The following AR variants were observed in gnomAD, a reference collection of about 807,000 sequenced individuals.
AR encodes the protein dihydrotestosterone receptor.
In AR, 8 loss-of-function variants were observed where a neutral mutation model predicts 53.9. The observed-to-expected ratio is 0.15, with a 90% CI of 0.09 to 0.27. AR has a LOEUF of 0.27. Among genes scored for constraint, AR ranks in the 10% least tolerant of loss-of-function variants. The pLI is 1.00. For missense variants in AR, 639 were observed against 742.5 expected (o/e 0.86, Z 1.62); for synonymous variants, 359 against 316.4 (o/e 1.13, Z -1.43).
At chrX:67,619,895 A>G (rs1924292826) in intron 1 of AR, among the ~76,000 whole-genome samples, 1 of 110,738 alleles carries the variant, frequency 9.0e-6, no homozygotes, top group Non-Finnish European at 1.9e-5. Flanking sequence ...GGAGTGAGAC[A>G]CTTCTCCCAA....
intron 1 of AR, among the ~76,000 whole-genome samples, chrX:67,604,172 C>T (rs1305716783): frequency 9.5e-6 from 1 of 105,432 alleles, no homozygotes; most frequent in East Asian, 3.0e-4. Flanking sequence ...TGCTCTTTAA[C>T]AGAAGGTCAG....
intron 2 of AR, among the ~76,000 whole-genome samples, chrX:67,681,681 G>T (rs1273299162): frequency 8.9e-6 from 1 of 112,490 alleles, no homozygotes; most frequent in Non-Finnish European, 1.9e-5. Flanking sequence ...GAGTTTCCTG[G>T]AAGGAAAGGA....
intron 3 of AR, chrX:67,695,773 G>GCTCT (rs1388939893): frequency 7.0e-6 from 3 of 426,646 alleles, no homozygotes; most frequent in African/African-American, 3.3e-5. Flanking sequence ...ACACACACAC[G>GCTCT]CTCTCTCTCT....
chrX:67,561,649 G>A (rs1921311598), intron 1 of AR, among the ~76,000 whole-genome samples: 1 of 111,319 alleles, frequency 9.0e-6, no homozygotes, highest in Admixed American at 9.6e-5. Context: ...CAAATACCAA[G>A]GGACTATTAT....
At chrX:67,596,433 C>T (rs1602180371) in intron 1 of AR, among the ~76,000 whole-genome samples, 1 of 111,066 alleles carries the variant, frequency 9.0e-6, no homozygotes, top group African/African-American at 3.3e-5. Flanking sequence ...TTAAATTAAA[C>T]TAATTATTTA....
chrX:67,545,358 AGC>A lies in AR; in HGVS notation c.213_214del (p.Gln72AlafsTer11). On this transcript the variant is annotated frameshift_variant, in exon 1 of 8. Coordinates refer to ENST00000374690, the MANE Select transcript of AR (RefSeq NM_000044.6). LOFTEE classifies it high-confidence loss of function. ...CAGCAGCAGCAGCAGCAGCAGCAGC[AGC>A]AGCAGCAGCAGCAGCAGCAGCAGCA... 8.4e-7 allele frequency: 1 copy of A among 1,183,683 alleles called. No individual in the cohort carries two copies. The highest frequency in any genetic ancestry group is 3.0e-5 in the East Asian group (1 of 32,851).
chrX:67,727,062 A>C lies in AR; in HGVS notation c.*3221A>C, dbSNP rs182880285. On this transcript the variant is annotated 3_prime_UTR_variant, in exon 8 of 8. Coordinates refer to ENST00000374690, the MANE Select transcript of AR (RefSeq NM_000044.6). Reference sequence around the variant, plus strand: ...CCAGGATCACGAACTCTGTAGTCAAAGAAAAGAGTCGTGTGGCAGTTTCAG... The same window carrying C: ...CCAGGATCACGAACTCTGTAGTCAACGAAAAGAGTCGTGTGGCAGTTTCAG... The C allele has an allele frequency of 1.4e-3, 244 of 172,932 alleles. No individual in the cohort carries two copies. Among genetic ancestry groups the C allele is most frequent in the South Asian group, 2.5e-3 (8 of 3,237 alleles). The allele number at this position is 172,932 out of a possible 1,213,427, so 14.3% of individuals were successfully genotyped here.
chrX:67,610,487 A>G (rs1398556829), intron 1 of AR, among the ~76,000 whole-genome samples: 1 of 110,450 alleles, frequency 9.1e-6, no homozygotes, highest in African/African-American at 3.3e-5. Context: ...TCCCAGTTTC[A>G]CTCCTCAGAG....
chrX:67,647,419 C>G (rs951006754), intron 2 of AR, among the ~76,000 whole-genome samples: 2 of 111,906 alleles, frequency 1.8e-5, no homozygotes, highest in African/African-American at 6.5e-5. Flanking sequence ...CCATTCTTTC[C>G]CACCTCAACT....
intron 1 of AR, among the ~76,000 whole-genome samples, chrX:67,551,464 C>A (rs1473484853): frequency 8.9e-6 from 1 of 111,820 alleles, no homozygotes; most frequent in Non-Finnish European, 1.9e-5. Flanking sequence ...GACTTTTAAA[C>A]AAAATTGCTT....
chrX:67,573,794 T>C (rs1175001294), intron 1 of AR, among the ~76,000 whole-genome samples: 1 of 112,122 alleles, frequency 8.9e-6, no homozygotes, highest in Non-Finnish European at 1.9e-5. Context: ...TAAATATCAA[T>C]TTTGAATTTG....
At chrX:67,652,358 A>T (rs978499465) in intron 2 of AR, among the ~76,000 whole-genome samples, 2 of 111,797 alleles carry the variant, frequency 1.8e-5, no homozygotes, top group Non-Finnish European at 3.8e-5. Context: ...AAGCTCATTT[A>T]CTTACAGGAT....
chrX:67,554,977 C>T (rs890470650), intron 1 of AR, among the ~76,000 whole-genome samples: 2 of 109,162 alleles, frequency 1.8e-5, no homozygotes, highest in Admixed American at 2.0e-4. Flanking sequence ...CTGCTATGTG[C>T]CCAGCATGTG....
At chrX:67,619,873 C>G (rs946487431) in intron 1 of AR, among the ~76,000 whole-genome samples, 1 of 110,643 alleles carries the variant, frequency 9.0e-6, no homozygotes, top group Non-Finnish European at 1.9e-5. Flanking sequence ...AAATCAGTCT[C>G]TTATGTGTTG....
chrX:67,545,035 G>T lies in AR; in HGVS notation c.-112G>T. 1 of 1,050,676 alleles carries T rather than the reference G, an allele frequency of 9.5e-7. No homozygotes were observed. The highest frequency in any genetic ancestry group is 1.3e-6 in the Non-Finnish European group (1 of 799,986). 86.6% of individuals were successfully genotyped at this position (1,050,676 alleles called of 1,213,427 possible). ...TCCTTCTCTGGAGCTTCCCGCAGGTGGGCAGCTAGCTGCAGCGACTACCGC... is the reference window on the plus strand; with the variant it reads ...TCCTTCTCTGGAGCTTCCCGCAGGTTGGCAGCTAGCTGCAGCGACTACCGC... On this transcript the variant is annotated 5_prime_UTR_variant, in exon 1 of 8. Coordinates refer to ENST00000374690, the MANE Select transcript of AR (RefSeq NM_000044.6).
chrX:67,632,719 G>T, intron 1 of AR, among the ~76,000 whole-genome samples: 1 of 112,344 alleles, frequency 8.9e-6, no homozygotes, highest in Admixed American at 9.4e-5. Flanking sequence ...TGCTGCAAAT[G>T]ATACCATCAA....
rs181107226 is a variant in AR, at chrX:67,660,374, T to G, written c.1768+16967T>G. Among the ~76,000 whole-genome samples the G allele has an allele frequency of 3.6e-5, 4 of 112,035 alleles. No homozygotes were observed. The East Asian group carries it at 1.1e-3, about 31-fold the overall frequency. ...CTAACATGTAAGTCTTTAATCCATC[T>G]TGAATTAATTTTAGTATAAGGTGTA... is the stretch of plus-strand genomic sequence containing the variant. On this transcript the variant is annotated intron_variant, in intron 2 of 7. Coordinates refer to ENST00000374690, the MANE Select transcript of AR (RefSeq NM_000044.6).
At chrX:67,594,038 A>G (rs919816458) in intron 1 of AR, among the ~76,000 whole-genome samples, 3 of 112,283 alleles carry the variant, frequency 2.7e-5, no homozygotes, top group Admixed American at 9.4e-5. Flanking sequence ...TCTGTCTCCC[A>G]GGCTGGAGTA....
At chrX:67,630,293 A>T (rs1204865831) in intron 1 of AR, among the ~76,000 whole-genome samples, 5 of 110,983 alleles carry the variant, frequency 4.5e-5, no homozygotes, top group African/African-American at 1.6e-4. Flanking sequence ...GTAGGTCACT[A>T]AGGACTTGCT....
Sources: gnomAD v4.1 joint callset for allele counts (sites outside exome capture counted in the v4.1 genomes callset) on GRCh38, gnomAD v4.1.1 for gene constraint, MANE v1.5 for transcripts, NCBI Gene and HGNC (gene_info 2026-07-23, HGNC 2026-07-21) for gene names.